The following ADAM23 variants were observed in gnomAD, a reference collection of about 807,000 sequenced individuals.
The protein encoded by ADAM23 is disintegrin and metalloproteinase domain-containing protein 23.
ADAM23 carries 33 observed loss-of-function variants against 120.1 expected under a neutral mutation model. That is an observed-to-expected ratio of 0.27 (90% CI 0.21 to 0.37). The LOEUF is 0.37. ADAM23 is among the 10% of genes least tolerant of loss of function. The pLI is 1.00. For synonymous variants in ADAM23, 367 were observed against 375.2 expected (o/e 0.98, Z 0.25); for missense variants, 862 against 1,058.2 (o/e 0.81, Z 2.57).
intron 3 of ADAM23, among the ~76,000 whole-genome samples, chr2:206,510,993 A>G (rs1458934363): frequency 6.6e-6 from 1 of 151,810 alleles, no homozygotes; most frequent in African/African-American, 2.4e-5. Flanking sequence ...ATTTTTACCT[A>G]TTTTTTTCTC....
intron 2 of ADAM23, among the ~76,000 whole-genome samples, chr2:206,463,095 G>T (rs1373243025): frequency 4.6e-5 from 7 of 152,176 alleles, no homozygotes; most frequent in Non-Finnish European, 2.9e-5. Context: ...GCTAGAAGAG[G>T]AGAGGAGTTA....
intron 24 of ADAM23, among the ~76,000 whole-genome samples, chr2:206,600,696 ACCTGAAAGCATT>A (rs1162022104): frequency 2.0e-5 from 3 of 152,106 alleles, no homozygotes; most frequent in Non-Finnish European, 2.9e-5. Flanking sequence ...CTGAAAGCAT[ACCTGAAAGCATT>A]GCCACTGTAG....
intron 2 of ADAM23, among the ~76,000 whole-genome samples, chr2:206,446,492 TG>T (rs1444696832): frequency 4.6e-5 from 7 of 152,214 alleles, no homozygotes; most frequent in African/African-American, 1.4e-4. Context: ...TTTACATCAT[TG>T]TTTTTTATTA....
At chr2:206,608,750 A>T (rs1698775627) in intron 24 of ADAM23, among the ~76,000 whole-genome samples, 1 of 152,088 alleles carries the variant, frequency 6.6e-6, no homozygotes, top group African/African-American at 2.4e-5. Context: ...ATAAAAACAC[A>T]TTATGCATGC....
chr2:206,578,875 C>G (rs1470558798), intron 18 of ADAM23, among the ~76,000 whole-genome samples: 1 of 152,106 alleles, frequency 6.6e-6, no homozygotes, highest in Non-Finnish European at 1.5e-5. Flanking sequence ...GAAGTGTTCC[C>G]TGTTCACTGC....
chr2:206,481,465 A>C (rs1459146730), intron 3 of ADAM23, among the ~76,000 whole-genome samples, 157 bp downstream of exon 3: 1 of 152,200 alleles, frequency 6.6e-6, no homozygotes, highest in Non-Finnish European at 1.5e-5. Flanking sequence ...GGTGAATTAT[A>C]TATTTTTTTC....
chr2:206,600,008 T>C (rs879838325), intron 24 of ADAM23, among the ~76,000 whole-genome samples: 50 of 152,346 alleles, frequency 3.3e-4, no homozygotes, highest in Non-Finnish European at 2.2e-4. Context: ...GAGACCATCC[T>C]GGCTAACACA....
At position 206,596,051 on chromosome 2, in the gene ADAM23, G is replaced by T; in HGVS notation, c.2248G>T (p.Val750Leu). The T allele has an allele frequency of 2.5e-6, 4 of 1,611,410 alleles. No homozygotes were observed. The highest frequency in any genetic ancestry group is 1.1e-5 in the South Asian group (1 of 90,838). Residue 750 changes from valine (V) to leucine (L), a missense_variant and splice_region_variant, in exon 24 of 26, where the codon GTG (valine) becomes TTG (leucine). Val to Leu is a conservative substitution (Grantham distance 32). This residue lies in a region of ADAM23 where 617 missense variants were observed against 813.5 expected (regional missense o/e 0.76). Coordinates refer to ENST00000264377, the MANE Select transcript of ADAM23 (RefSeq NM_003812.4). ...CATATCTGTTCCTTTTTCTTCACAG[G>T]TGTGTAGTAATGAAGCCACCTGCAT... ...SKGKVCSGHG[V>L]CSNEATCICD...
chr2:206,492,192 AT>A (rs1395553242), intron 3 of ADAM23, among the ~76,000 whole-genome samples: 3 of 152,216 alleles, frequency 2.0e-5, no homozygotes, highest in Non-Finnish European at 4.4e-5. Context: ...CCTAACCCAG[AT>A]TAGAGGTAGA....
chr2:206,596,483 A>G (rs1267937045), intron 24 of ADAM23, among the ~76,000 whole-genome samples: 6 of 152,298 alleles, frequency 3.9e-5, no homozygotes, highest in East Asian at 3.9e-4. Flanking sequence ...CGTCTAAGCT[A>G]TGCCATTTTT....
chr2:206,579,265 T>TA (rs1490528321), intron 18 of ADAM23, among the ~76,000 whole-genome samples: 9 of 152,252 alleles, frequency 5.9e-5, no homozygotes, highest in African/African-American at 2.2e-4. Context: ...TCTTTGTTTT[T>TA]ATTGCATTTC....
chr2:206,554,484 T>G (rs1416631418), intron 9 of ADAM23, among the ~76,000 whole-genome samples: 1 of 152,238 alleles, frequency 6.6e-6, no homozygotes, highest in Non-Finnish European at 1.5e-5. Context: ...CGTCAATAAA[T>G]GTAAATATGT....
chr2:206,463,432 C>T (rs1400411377), intron 2 of ADAM23, among the ~76,000 whole-genome samples: 3 of 152,206 alleles, frequency 2.0e-5, no homozygotes, highest in African/African-American at 7.2e-5. Flanking sequence ...GCCCTGCCAA[C>T]ACCTTAACTT....
chr2:206,483,153 C>T (rs901781783), intron 3 of ADAM23, among the ~76,000 whole-genome samples: 14 of 152,082 alleles, frequency 9.2e-5, no homozygotes, highest in Non-Finnish European at 1.9e-4. Context: ...GGAATACTTT[C>T]AATAAATCTG....
rs1005139516 is a variant in ADAM23 at position 206,542,103 on chromosome 2, A to C, written c.625A>C (p.Lys209Gln). The C allele has an allele frequency of 6.2e-7, 1 of 1,614,100 alleles. No homozygotes were observed. Among genetic ancestry groups the C allele is most frequent in the African/African-American group, 1.3e-5 (1 of 74,948 alleles). ...AAGCATCAGAGGCGTCAAAGACTCC[A>C]AGGTGGCTCTGTCAACCTGCAATGG... ...HGSIRGVKDS[K>Q]VALSTCNGLH... Residue 209 changes from lysine to glutamine, a missense_variant, in exon 5 of 26, where the codon AAG (lysine) becomes CAG (glutamine). Around this residue, in one of 4 missense-constraint regions of ADAM23, gnomAD observed 617 missense variants for 813.5 expected, o/e 0.76. Coordinates refer to ENST00000264377, the MANE Select transcript of ADAM23 (RefSeq NM_003812.4).
intron 13 of ADAM23, among the ~76,000 whole-genome samples, chr2:206,564,426 C>G (rs1697837198): frequency 6.6e-6 from 1 of 152,192 alleles, no homozygotes; most frequent in Non-Finnish European, 1.5e-5. Flanking sequence ...CTCATCCTCA[C>G]TTCAACTCTA....
chr2:206,577,199 A>G (rs1698131401), intron 18 of ADAM23, among the ~76,000 whole-genome samples: 1 of 152,202 alleles, frequency 6.6e-6, no homozygotes, highest in African/African-American at 2.4e-5. Flanking sequence ...ACTAAAACCA[A>G]ATAGATTAGA....
rs112352748 is a variant in ADAM23 at position 206,480,461 on chromosome 2, C to CT, written c.433-756dup. On this transcript the variant is annotated intron_variant, in intron 2 of 25. Coordinates refer to ENST00000264377, the MANE Select transcript of ADAM23 (RefSeq NM_003812.4). ...TGTAGGTGTTTCATTTAGCCTTGTT[C>CT]TTTTTTTTTTTTTTTCCTGATAGTG... Among the ~76,000 whole-genome samples the CT allele has an allele frequency of 5.9e-3, 782 of 131,666 alleles. 4 individuals are homozygous for CT. The highest frequency in any genetic ancestry group is 0.012 in the African/African-American group (424 of 36,196). 86.4% of individuals were successfully genotyped at this position (131,666 alleles called of 152,430 possible).
chr2:206,618,705 A>G lies in ADAM23; in HGVS notation c.*1078A>G, dbSNP rs900511782. On this transcript the variant is annotated 3_prime_UTR_variant, in exon 26 of 26. Coordinates refer to ENST00000264377, the MANE Select transcript of ADAM23 (RefSeq NM_003812.4). ...AAAGTTGGTGTGCGTTAAACCAAAAATAAAAGGGGGGACATAAACAACAAA... is the reference window on the plus strand; with the variant it reads ...AAAGTTGGTGTGCGTTAAACCAAAAGTAAAAGGGGGGACATAAACAACAAA... The G allele has an allele frequency of 6.6e-6, 1 of 152,200 alleles. No homozygotes were observed. Among genetic ancestry groups the G allele is most frequent in the Admixed American group, 6.5e-5 (1 of 15,284 alleles). 9.4% of individuals were successfully genotyped at this position (152,200 alleles called of 1,614,324 possible).
Sources: allele counts gnomAD v4.1 joint callset (sites outside exome capture counted in the v4.1 genomes callset), GRCh38; gene constraint gnomAD v4.1.1; regional missense constraint gnomAD v4.1.1; transcripts MANE v1.5; gene names NCBI Gene and HGNC (gene_info 2026-07-23, HGNC 2026-07-21).